DCDC1: variants seen among roughly 807,000 people sequenced by gnomAD.
The protein encoded by DCDC1 is doublecortin domain containing 1.
DCDC1 carries 200 observed loss-of-function variants against 178.3 expected under a neutral mutation model. The observed-to-expected ratio is 1.12, with a 90% CI of 1.00 to 1.26. DCDC1 has a LOEUF of 1.26. Among genes scored for constraint, DCDC1 ranks in the 50% most tolerant of loss-of-function variants. The pLI, the probability that DCDC1 is intolerant of heterozygous loss-of-function variation, is 0.00. For missense variants in DCDC1, 1,983 were observed against 1,749.2 expected (o/e 1.13, Z -2.38); for synonymous variants, 690 against 604.8 (o/e 1.14, Z -2.07).
At chr11:31,343,240 C>T (rs1055372740) in intron 1 of DCDC1, among the ~76,000 whole-genome samples, 1 of 152,174 alleles carries the variant, frequency 6.6e-6, no homozygotes, top group African/African-American at 2.4e-5. Flanking sequence ...ATCACTTGAG[C>T]CCAGGAGTTT....
chr11:31,003,802 G>T (rs1002153694), intron 20 of DCDC1, among the ~76,000 whole-genome samples: 2 of 152,200 alleles, frequency 1.3e-5, no homozygotes, highest in Non-Finnish European at 2.9e-5. Context: ...AACAGGGAGG[G>T]ACAGGATGGA....
chr11:31,127,549 C>G lies in DCDC1; in HGVS notation c.1405G>C (p.Glu469Gln), dbSNP rs779199111. ...KLGPQLQAEQ[E>Q]QFSSYVYQHI... Reference sequence around the variant, plus strand: ...TGGTAGACATAAGAGGAGAATTGCTCCTGCTCAGCCTGTAATTGGGGGCCA... The same window carrying G: ...TGGTAGACATAAGAGGAGAATTGCTGCTGCTCAGCCTGTAATTGGGGGCCA... Residue 469 changes from glutamate (E) to glutamine (Q), a missense_variant, in exon 11 of 39, where the codon GAG becomes CAG. Transcript: ENST00000684477. 1 of 702,730 alleles carries G rather than the reference C, an allele frequency of 1.4e-6. No homozygotes were observed. 43.5% of individuals were successfully genotyped at this position (702,730 alleles called of 1,614,324 possible). A position where few individuals can be genotyped will look rare whatever the true frequency, so the allele number is the denominator to read the frequency against.
At chr11:31,047,222 A>C (rs928400606) in intron 20 of DCDC1, among the ~76,000 whole-genome samples, 1 of 152,200 alleles carries the variant, frequency 6.6e-6, no homozygotes, top group Non-Finnish European at 1.5e-5. Context: ...ATAACATTAC[A>C]TTATACAAAT....
intron 22 of DCDC1, among the ~76,000 whole-genome samples, chr11:30,926,251 C>A (rs903920035): frequency 6.6e-5 from 10 of 152,166 alleles, no homozygotes; most frequent in Non-Finnish European, 1.5e-4. Flanking sequence ...AAGCGCTAGA[C>A]TGGAGCTGAG....
intron 9 of DCDC1, among the ~76,000 whole-genome samples, chr11:31,204,771 G>A (rs554017032): frequency 3.9e-5 from 6 of 152,276 alleles, no homozygotes; most frequent in South Asian, 4.1e-4. Flanking sequence ...GCAGTGAGCC[G>A]AGATTGTGCC....
chr11:31,042,704 A>G (rs1423423956), intron 20 of DCDC1, among the ~76,000 whole-genome samples: 7 of 152,218 alleles, frequency 4.6e-5, no homozygotes, highest in Non-Finnish European at 7.4e-5. Context: ...TGAATAGGAA[A>G]GACACGGTTG....
At chr11:31,307,548 T>C (rs759558217) in intron 4 of DCDC1, 91 bp downstream of exon 4, 1 of 1,499,180 alleles carries the variant, frequency 6.7e-7, no homozygotes, top group East Asian at 2.3e-5. Context: ...CATTTTAATG[T>C]CTGAGATAGT....
intron 9 of DCDC1, among the ~76,000 whole-genome samples, chr11:31,216,673 C>T (rs1973609213): frequency 6.6e-6 from 1 of 152,192 alleles, no homozygotes. Context: ...GAAACCACCT[C>T]CAGCCATCCC....
intron 9 of DCDC1, among the ~76,000 whole-genome samples, chr11:31,176,245 A>G (rs1440952834): frequency 6.6e-6 from 1 of 152,218 alleles, no homozygotes; most frequent in African/African-American, 2.4e-5. Context: ...GAAGAACTCA[A>G]TGAATGAAAT....
chr11:31,251,859 G>C (rs1565498476), intron 8 of DCDC1, among the ~76,000 whole-genome samples: 1 of 152,128 alleles, frequency 6.6e-6, no homozygotes. Context: ...ATGAAGGAGA[G>C]TGTTTGAGAA....
chr11:31,188,599 CCAAA>C (rs1252356525), intron 9 of DCDC1, among the ~76,000 whole-genome samples: 1 of 152,014 alleles, frequency 6.6e-6, no homozygotes, highest in Non-Finnish European at 1.5e-5. Flanking sequence ...ATCATATAGC[CCAAA>C]CACTCTGACA....
chr11:31,323,220 C>A (rs750397665), intron 3 of DCDC1, among the ~76,000 whole-genome samples: 1 of 152,122 alleles, frequency 6.6e-6, no homozygotes, highest in Non-Finnish European at 1.5e-5. Flanking sequence ...GCAGGAAACG[C>A]GGCTACTTTG....
intron 37 of DCDC1, among the ~76,000 whole-genome samples, chr11:30,880,539 G>C (rs1431371061): frequency 6.6e-6 from 1 of 152,050 alleles, no homozygotes; most frequent in Non-Finnish European, 1.5e-5. Context: ...TAATCTTTTA[G>C]TTTCCTTTAG....
intron 20 of DCDC1, among the ~76,000 whole-genome samples, chr11:31,013,234 G>C (rs1391642586): frequency 6.6e-6 from 1 of 151,848 alleles, no homozygotes; most frequent in Non-Finnish European, 1.5e-5. Flanking sequence ...TTTATTTTTA[G>C]TATTGAAACT....
intron 8 of DCDC1, among the ~76,000 whole-genome samples, chr11:31,256,192 T>G (rs1460422515): frequency 6.6e-6 from 1 of 152,228 alleles, no homozygotes; most frequent in African/African-American, 2.4e-5. Flanking sequence ...ATGCCTATCC[T>G]TATGCCAGTA....
chr11:31,306,265 G>C lies in DCDC1; in HGVS notation c.558C>G (p.Val186=), dbSNP rs370701783. The part of the protein sequence containing the change: ...VTAYKNGSRT[V]FARVTVPTIT... ...TGGTTGGTACAGTAACTCTGGCAAA[G>C]ACTGTTCTAGATCCATTTTTGTAAG... The change falls in exon 5 of 39, where the codon GTC becomes GTG. Residue 186 remains valine (V), a synonymous_variant. Coordinates refer to ENST00000684477, the MANE Select transcript of DCDC1 (RefSeq NM_001387274.1). 1.4e-5 allele frequency: 23 copies of C among 1,600,200 alleles called. No individual in the cohort carries two copies. The highest frequency in any genetic ancestry group is 2.0e-5 in the Non-Finnish European group (23 of 1,173,176).
intron 9 of DCDC1, among the ~76,000 whole-genome samples, chr11:31,203,592 G>A (rs946531189): frequency 2.0e-5 from 3 of 152,176 alleles, no homozygotes; most frequent in African/African-American, 4.8e-5. Flanking sequence ...GGTGTAGGAT[G>A]CTGTGGGAAC....
chr11:30,915,818 A>T, intron 26 of DCDC1, 107 bp from the exon 27 acceptor site: 1 of 1,088,794 alleles, frequency 9.2e-7, no homozygotes, highest in Non-Finnish European at 1.3e-6. Flanking sequence ...CTCCAACGTG[A>T]AACACGTTAA....
At chr11:31,002,523 C>T (rs919584034) in intron 20 of DCDC1, among the ~76,000 whole-genome samples, 5 of 152,026 alleles carry the variant, frequency 3.3e-5, no homozygotes, top group Non-Finnish European at 5.9e-5. Context: ...TGATGATTCT[C>T]GAAGGGGCAG....
Sources: allele counts gnomAD v4.1 joint callset (sites outside exome capture counted in the v4.1 genomes callset), GRCh38; gene constraint gnomAD v4.1.1; transcripts MANE v1.5; gene names NCBI Gene and HGNC (gene_info 2026-07-23, HGNC 2026-07-21).